Variants in NRXN3 observed in about 807,000 individuals in gnomAD.
The protein encoded by NRXN3 is neurexin III.
A neutral mutation model predicts 137.6 loss-of-function variants in NRXN3; 32 were observed. That is an observed-to-expected ratio of 0.23 (90% CI 0.18 to 0.31). The LOEUF (loss-of-function observed/expected upper bound fraction) is 0.31. Ranked by LOEUF, NRXN3 falls within the 10% of genes least tolerant of loss-of-function variation. NRXN3 has a pLI of 1.00. For synonymous variants in NRXN3, 798 were observed against 784.5 expected (o/e 1.02, Z -0.29); for missense variants, 1,574 against 2,062.5 (o/e 0.76, Z 4.59).
At chr14:78,236,798 G>A (rs1258842044) in intron 1 of NRXN3, among the ~76,000 whole-genome samples, 4 of 144,940 alleles carry the variant, frequency 2.8e-5, no homozygotes, top group Non-Finnish European at 6.0e-5. Flanking sequence ...CTATAGGAAT[G>A]AGAGTCTGGG....
intron 15 of NRXN3, among the ~76,000 whole-genome samples, chr14:79,385,633 A>T (rs995709278): frequency 6.6e-6 from 1 of 152,272 alleles, no homozygotes. Flanking sequence ...CTTGGGCACC[A>T]TCCTTGTGAC....
chr14:79,525,952 G>A (rs2097114644), intron 16 of NRXN3, among the ~76,000 whole-genome samples: 1 of 152,136 alleles, frequency 6.6e-6, no homozygotes, highest in Non-Finnish European at 1.5e-5. Flanking sequence ...CACAATCATA[G>A]CTCACTGCAG....
chr14:78,990,767 T>C (rs1393617820), intron 15 of NRXN3, among the ~76,000 whole-genome samples: 1 of 152,118 alleles, frequency 6.6e-6, no homozygotes, highest in Non-Finnish European at 1.5e-5. Flanking sequence ...AGCAGAATGG[T>C]AGATTGTTTA....
At chr14:78,587,368 C>T (rs982838742) in intron 4 of NRXN3, among the ~76,000 whole-genome samples, 1 of 152,180 alleles carries the variant, frequency 6.6e-6, no homozygotes, top group African/African-American at 2.4e-5. Context: ...CGCAAATCCT[C>T]GGTGCACCCC....
At chr14:79,107,646 G>A (rs1046680203) in intron 15 of NRXN3, among the ~76,000 whole-genome samples, 3 of 152,088 alleles carry the variant, frequency 2.0e-5, no homozygotes, top group Non-Finnish European at 4.4e-5. Context: ...AATATTGGAT[G>A]TATTTTTTGG....
intron 4 of NRXN3, among the ~76,000 whole-genome samples, chr14:78,468,475 AG>A: frequency 6.6e-6 from 1 of 152,272 alleles, no homozygotes; most frequent in African/African-American, 2.4e-5. Context: ...GCTTGTTTTT[AG>A]GGTAGTCTGG....
intron 4 of NRXN3, among the ~76,000 whole-genome samples, chr14:78,534,386 A>C (rs534503018): frequency 3.2e-4 from 48 of 152,364 alleles, no homozygotes; most frequent in Non-Finnish European, 6.2e-4. Context: ...TGAGGGCCAC[A>C]CTGAATTTTT....
At chr14:79,578,419 A>G (rs2097685192) in intron 16 of NRXN3, among the ~76,000 whole-genome samples, 2 of 152,100 alleles carry the variant, frequency 1.3e-5, no homozygotes, top group South Asian at 2.1e-4. Flanking sequence ...CCATATATAT[A>G]TAGCTAATCT....
In NRXN3 at chr14:78,948,157, G is replaced by A. The variant is rs916476424; in HGVS notation, c.2276-9085G>A. Among the ~76,000 whole-genome samples, 6 of 152,252 alleles carry A rather than the reference G, an allele frequency of 3.9e-5. No homozygotes were observed. In the East Asian group the frequency reaches 1.2e-3, roughly 29 times the overall value. The stretch of plus-strand genomic sequence containing the variant: ...CCCAAAAGCAGAAGTGAAGGAGCAG[G>A]GAGAGTAAGCAGTGCAGAAAGAAAC... On this transcript the variant is annotated intron_variant, in intron 10 of 20. Coordinates refer to ENST00000335750, the MANE Select transcript of NRXN3 (RefSeq NM_001330195.2).
intron 15 of NRXN3, among the ~76,000 whole-genome samples, chr14:79,120,782 C>T (rs1398133325): frequency 1.3e-5 from 2 of 152,070 alleles, no homozygotes; most frequent in South Asian, 4.1e-4. Flanking sequence ...CAGGAAATAG[C>T]ACTATGTGTT....
intron 4 of NRXN3, among the ~76,000 whole-genome samples, chr14:78,476,462 C>T (rs1377086169): frequency 6.6e-6 from 1 of 152,122 alleles, no homozygotes; most frequent in Admixed American, 6.6e-5. Context: ...CCCAGCAGAT[C>T]TAGGAATAGA....
intron 15 of NRXN3, among the ~76,000 whole-genome samples, chr14:79,449,818 C>G (rs755199841): frequency 1.3e-5 from 2 of 151,626 alleles, no homozygotes; most frequent in African/African-American, 2.4e-5. Flanking sequence ...GGTGAAACCC[C>G]GTCTCTACTA....
At chr14:78,298,306 C>G (rs2076554826) in intron 4 of NRXN3, among the ~76,000 whole-genome samples, 1 of 152,220 alleles carries the variant, frequency 6.6e-6, no homozygotes, top group African/African-American at 2.4e-5. Context: ...TTGTCTTCCC[C>G]TCCATTACAC....
chr14:79,239,587 G>A (rs1017806544), intron 15 of NRXN3, among the ~76,000 whole-genome samples: 1 of 152,112 alleles, frequency 6.6e-6, no homozygotes, highest in Non-Finnish European at 1.5e-5. Context: ...TATGGAAAAT[G>A]TATGGAGATT....
intron 16 of NRXN3, among the ~76,000 whole-genome samples, chr14:79,476,304 G>A (rs7156625): frequency 0.25 from 37,563 of 151,874 alleles, 5,226 homozygotes; most frequent in African/African-American, 0.37. Context: ...ACGTCAGAGG[G>A]AACTGTATAA....
rs542241888 is a variant in NRXN3, at chr14:78,742,783, G to T, written c.2044+27644G>T. On this transcript the variant is annotated intron_variant, in intron 8 of 20. Coordinates refer to ENST00000335750, the MANE Select transcript of NRXN3 (RefSeq NM_001330195.2). ...AGTTTGTATGTAAATAAAAGTTTAA[G>T]CTTCTCTTTATAATAATTTATCACA... Among the ~76,000 whole-genome samples the T allele has an allele frequency of 3.4e-4, 52 of 152,270 alleles. 1 individual carries two copies. Among genetic ancestry groups the T allele is most frequent in the African/African-American group, 1.2e-3 (51 of 41,558 alleles).
intron 4 of NRXN3, among the ~76,000 whole-genome samples, chr14:78,420,407 G>C (rs1202416866): frequency 6.6e-6 from 1 of 152,116 alleles, no homozygotes; most frequent in Non-Finnish European, 1.5e-5. Flanking sequence ...GTAATAAAGT[G>C]AAGAGGATGT....
intron 4 of NRXN3, among the ~76,000 whole-genome samples, chr14:78,460,681 A>G (rs977609430): frequency 1.3e-5 from 2 of 152,216 alleles, no homozygotes; most frequent in Non-Finnish European, 1.5e-5. Context: ...GAGGCTGGCT[A>G]TGTACACAGA....
chr14:79,190,659 G>A (rs1216654200), intron 15 of NRXN3, among the ~76,000 whole-genome samples: 1 of 151,988 alleles, frequency 6.6e-6, no homozygotes, highest in Non-Finnish European at 1.5e-5. Context: ...ATGGCTTCCA[G>A]TTACCCATCC....
Sources: gnomAD v4.1 joint callset for allele counts (sites outside exome capture counted in the v4.1 genomes callset) on GRCh38, gnomAD v4.1.1 for gene constraint, MANE v1.5 for transcripts, NCBI Gene and HGNC (gene_info 2026-07-23, HGNC 2026-07-21) for gene names.